Variants in ATG10 observed in about 807,000 individuals in gnomAD.
ATG10 encodes the protein autophagy related 10, also known as ubiquitin-like-conjugating enzyme ATG10.
Under a neutral mutation model 32.1 loss-of-function variants are expected in ATG10, and 30 were observed. The observed-to-expected ratio is 0.94, with a 90% CI of 0.70 to 1.27. The LOEUF (loss-of-function observed/expected upper bound fraction) is 1.27. Among genes scored for constraint, ATG10 ranks in the 50% most tolerant of loss-of-function variants. The pLI is 0.00. For synonymous variants in ATG10, 87 were observed against 91.5 expected (o/e 0.95, Z 0.28); for missense variants, 233 against 262.3 (o/e 0.89, Z 0.77).
chr5:82,005,246 C>T (rs1162530105), intron 2 of ATG10, among the ~76,000 whole-genome samples: 1 of 152,138 alleles, frequency 6.6e-6, no homozygotes, highest in Non-Finnish European at 1.5e-5. Context: ...TTTTGTCTCA[C>T]AACAATTTAC....
intron 5 of ATG10, among the ~76,000 whole-genome samples, chr5:82,234,553 T>C (rs1746487745): frequency 6.6e-6 from 1 of 152,194 alleles, no homozygotes; most frequent in African/African-American, 2.4e-5. Flanking sequence ...TCATTTCCTC[T>C]GTGTATATTT....
intron 2 of ATG10, among the ~76,000 whole-genome samples, chr5:82,033,729 AAC>A (rs59922803): frequency 0.12 from 17,609 of 146,092 alleles, 1,459 homozygotes; most frequent in East Asian, 0.35. Flanking sequence ...ATACTATACA[AAC>A]ACACACACAC....
At chr5:82,137,072 G>A (rs773878323) in intron 3 of ATG10, among the ~76,000 whole-genome samples, 1 of 151,948 alleles carries the variant, frequency 6.6e-6, no homozygotes, top group Non-Finnish European at 1.5e-5. Flanking sequence ...GGTCATTTGT[G>A]TTCTTCTCTA....
At chr5:81,972,848 G>A (rs1760763689) in intron 1 of ATG10, among the ~76,000 whole-genome samples, 1 of 152,090 alleles carries the variant, frequency 6.6e-6, no homozygotes. Flanking sequence ...CTGATTTATA[G>A]AAACTTTTAG....
intron 2 of ATG10, among the ~76,000 whole-genome samples, chr5:82,042,683 T>C (rs188368480): frequency 7.0e-4 from 107 of 152,248 alleles, no homozygotes; most frequent in African/African-American, 2.4e-3. Context: ...ATGGGAGACA[T>C]TGGCCAAAAC....
intron 5 of ATG10, among the ~76,000 whole-genome samples, chr5:82,249,637 C>A (rs114627897): frequency 0.041 from 6,214 of 152,192 alleles, 140 homozygotes; most frequent in Middle Eastern, 0.051. Flanking sequence ...GAAACAGAGA[C>A]GTAAAATGGT....
At chr5:82,192,132 G>A (rs1414015986) in intron 5 of ATG10, among the ~76,000 whole-genome samples, 1 of 152,170 alleles carries the variant, frequency 6.6e-6, no homozygotes, top group East Asian at 1.9e-4. Context: ...CAGAGGACGG[G>A]GCATCCATTT....
rs1005176237 is a variant in ATG10 at position 82,046,834 on chromosome 5, A to G, written c.109-11661A>G. Among the ~76,000 whole-genome samples the G allele has an allele frequency of 3.3e-5, 5 of 152,186 alleles. 1 individual carries two copies. The highest frequency in any genetic ancestry group is 3.3e-4 in the Admixed American group (5 of 15,268). On this transcript the variant is annotated intron_variant, in intron 2 of 7. Transcript: ENST00000282185. ...ATTTCTTTCCATTTAATAAAATATAAAATTACTTTAATCTCTTAATTCTCT... is the reference window on the plus strand; with the variant it reads ...ATTTCTTTCCATTTAATAAAATATAGAATTACTTTAATCTCTTAATTCTCT...
chr5:82,052,927 AAT>A (rs2149742562), intron 2 of ATG10, among the ~76,000 whole-genome samples: 1 of 152,344 alleles, frequency 6.6e-6, no homozygotes, highest in Admixed American at 6.5e-5. Context: ...CTATTAAAAT[AAT>A]ATGTTAATAA....
intron 5 of ATG10, among the ~76,000 whole-genome samples, chr5:82,231,224 C>G (rs909213981): frequency 6.6e-6 from 1 of 152,008 alleles, no homozygotes; most frequent in African/African-American, 2.4e-5. Context: ...TGAACTAGAT[C>G]CAAACTATTA....
At chr5:81,985,848 C>T (rs1246455083) in intron 1 of ATG10, among the ~76,000 whole-genome samples, 2 of 152,186 alleles carry the variant, frequency 1.3e-5, no homozygotes, top group Non-Finnish European at 2.9e-5. Context: ...CTGCAAGCTC[C>T]GCCTCCCGGG....
chr5:82,045,190 A>G (rs887359978), intron 2 of ATG10, among the ~76,000 whole-genome samples: 1 of 152,130 alleles, frequency 6.6e-6, no homozygotes. Context: ...TAGTTGTTTA[A>G]TGTGGGAGGG....
intron 5 of ATG10, among the ~76,000 whole-genome samples, chr5:82,240,180 A>G (rs970592126): frequency 2.6e-5 from 4 of 152,214 alleles, no homozygotes; most frequent in African/African-American, 7.2e-5. Flanking sequence ...TATATATCCA[A>G]AAGAAAGGAA....
At chr5:82,083,153 G>A (rs1039315024) in intron 3 of ATG10, among the ~76,000 whole-genome samples, 1 of 152,324 alleles carries the variant, frequency 6.6e-6, no homozygotes, top group Middle Eastern at 3.4e-3. Context: ...TTTTCCAAGG[G>A]TCTTAGCAAA....
chr5:82,022,771 T>G (rs888999211), intron 2 of ATG10, among the ~76,000 whole-genome samples: 13 of 151,978 alleles, frequency 8.6e-5, no homozygotes, highest in African/African-American at 3.1e-4. Flanking sequence ...GACAGGCATA[T>G]AGGCTTAGAG....
intron 5 of ATG10, among the ~76,000 whole-genome samples, chr5:82,212,721 G>A (rs1472870805): frequency 6.6e-6 from 1 of 152,128 alleles, no homozygotes; most frequent in Non-Finnish European, 1.5e-5. Context: ...GTAAAATCTA[G>A]CAAAATTATT....
chr5:82,246,620 A>G (rs1392682676), intron 5 of ATG10, among the ~76,000 whole-genome samples: 2 of 151,924 alleles, frequency 1.3e-5, no homozygotes, highest in African/African-American at 4.8e-5. Flanking sequence ...CCTTTGTACC[A>G]TTATTGTCAT....
intron 5 of ATG10, among the ~76,000 whole-genome samples, chr5:82,211,071 T>C (rs1476267025): frequency 6.6e-6 from 1 of 152,198 alleles, no homozygotes; most frequent in Non-Finnish European, 1.5e-5. Context: ...ATTCCTCCTG[T>C]AGAGATAAGG....
At chr5:82,082,836 A>G (rs1249331393) in intron 3 of ATG10, among the ~76,000 whole-genome samples, 1 of 152,230 alleles carries the variant, frequency 6.6e-6, no homozygotes, top group Non-Finnish European at 1.5e-5. Context: ...TGTAAACTAG[A>G]TAAACAACTA....
Sources: allele counts gnomAD v4.1 joint callset (sites outside exome capture counted in the v4.1 genomes callset), GRCh38; gene constraint gnomAD v4.1.1; transcripts MANE v1.5; gene names NCBI Gene and HGNC (gene_info 2026-07-23, HGNC 2026-07-21).